Variants in CHD6 observed in about 807,000 individuals in gnomAD.
CHD6 encodes the protein ATP-dependent chromatin remodeler CHD6.
CHD6 carries 50 observed loss-of-function variants against 276.9 expected under a neutral mutation model. That is an observed-to-expected ratio of 0.18 (90% CI 0.14 to 0.23). The LOEUF is 0.23. Among genes scored for constraint, CHD6 ranks in the 10% least tolerant of loss-of-function variants. The pLI is 1.00. For missense variants in CHD6, 2,564 were observed against 3,365.8 expected (o/e 0.76, Z 5.89); for synonymous variants, 1,173 against 1,229.3 (o/e 0.95, Z 0.96).
Position 41,404,249 on chromosome 20 carries a change from A to G in CHD6, c.*344T>C. ...CCACCCTTCAATGGTAAAACCCTAG[A>G]CAGCTTTCTTTTGCCATTTTTCCTC... On this transcript the variant is annotated 3_prime_UTR_variant, in exon 37 of 37. Coordinates refer to ENST00000373233, the MANE Select transcript of CHD6 (RefSeq NM_032221.5). 9.2e-7 allele frequency: 1 copy of G among 1,085,478 alleles called. No individual in the cohort carries two copies. The highest frequency in any genetic ancestry group is 1.1e-6 in the Non-Finnish European group (1 of 893,854). 67.2% of individuals were successfully genotyped at this position (1,085,478 alleles called of 1,614,324 possible).
At position 41,595,941 on chromosome 20, in the gene CHD6, C is replaced by G. The variant is rs112152688; in HGVS notation, c.-24+22399G>C. 5.2e-3 allele frequency among the ~76,000 whole-genome samples: 791 copies of G among 152,038 alleles called. 2 individuals carry two copies. The highest frequency in any genetic ancestry group is 8.5e-3 in the Non-Finnish European group (580 of 67,980). ...GGCAGGGGCCTGTCCTCCTCTACCCCCTAAAAGCTACAGGAAATAAGCCAA... is the reference window on the plus strand; with the variant it reads ...GGCAGGGGCCTGTCCTCCTCTACCCGCTAAAAGCTACAGGAAATAAGCCAA... On this transcript the variant is annotated intron_variant, in intron 1 of 36. Transcript: ENST00000373233.
chr20:41,563,545 C>T (rs549624181), intron 1 of CHD6, among the ~76,000 whole-genome samples: 9 of 152,200 alleles, frequency 5.9e-5, no homozygotes, highest in Middle Eastern at 3.4e-3. Flanking sequence ...GGCACATTCG[C>T]ACAATTCAAG....
intron 2 of CHD6, among the ~76,000 whole-genome samples, chr20:41,542,564 G>A (rs931237502): frequency 6.6e-6 from 1 of 151,852 alleles, no homozygotes; most frequent in East Asian, 1.9e-4. Context: ...ATGGTGGCGG[G>A]CGCCTGTAGT....
intron 1 of CHD6, among the ~76,000 whole-genome samples, chr20:41,566,072 T>C (rs1489087838): frequency 1.3e-5 from 2 of 152,096 alleles, no homozygotes; most frequent in Non-Finnish European, 2.9e-5. Flanking sequence ...CAGTTCTCAA[T>C]AATGGCTGAA....
chr20:41,613,629 A>C (rs554942930), intron 1 of CHD6, among the ~76,000 whole-genome samples: 55 of 152,354 alleles, frequency 3.6e-4, no homozygotes, highest in Middle Eastern at 6.8e-3. Context: ...GCTAAAGGAC[A>C]AAAAAGGTCC....
chr20:41,595,292 G>A (rs1206721137), intron 1 of CHD6, among the ~76,000 whole-genome samples: 1 of 152,192 alleles, frequency 6.6e-6, no homozygotes, highest in Admixed American at 6.5e-5. Flanking sequence ...GAAGTTGAAA[G>A]TGTGTGAATG....
At chr20:41,496,660 G>A (rs1276052075) in intron 8 of CHD6, 1 of 152,172 alleles carries the variant, frequency 6.6e-6, no homozygotes, top group Non-Finnish European at 1.5e-5. Flanking sequence ...TTAATTTCAT[G>A]TGTTCCAATC....
At chr20:41,423,738 T>G (rs760433847) in intron 29 of CHD6, 38 bp from the exon 30 acceptor site, 3 of 1,566,608 alleles carry the variant, frequency 1.9e-6, no homozygotes, top group Non-Finnish European at 2.6e-6. Flanking sequence ...GAGCTCTTTC[T>G]TCTTTTTTTA....
At chr20:41,610,299 T>C (rs938004161) in intron 1 of CHD6, among the ~76,000 whole-genome samples, 1 of 152,080 alleles carries the variant, frequency 6.6e-6, no homozygotes, top group Non-Finnish European at 1.5e-5. Flanking sequence ...CATTTACAAG[T>C]AGATGGGGAG....
intron 14 of CHD6, among the ~76,000 whole-genome samples, chr20:41,487,031 A>G (rs150186237): frequency 6.6e-6 from 1 of 152,328 alleles, no homozygotes; most frequent in East Asian, 1.9e-4. Context: ...TATGGCACGT[A>G]CATTTGTCTG....
intron 1 of CHD6, among the ~76,000 whole-genome samples, chr20:41,611,731 C>T (rs532413224): frequency 4.3e-4 from 66 of 152,046 alleles, no homozygotes; most frequent in Non-Finnish European, 2.1e-4. Context: ...TCCGCCTCCC[C>T]GGTTCAAGCG....
At chr20:41,498,051 T>A in intron 7 of CHD6, 117 bp downstream of exon 7, 1 of 723,348 alleles carries the variant, frequency 1.4e-6, no homozygotes, top group Non-Finnish European at 2.4e-6. Context: ...AGCCAAGACC[T>A]GTGGGTCATG....
At chr20:41,603,330 A>T (rs1194314693) in intron 1 of CHD6, among the ~76,000 whole-genome samples, 1 of 152,172 alleles carries the variant, frequency 6.6e-6, no homozygotes, top group Non-Finnish European at 1.5e-5. Flanking sequence ...CAACAGAGTG[A>T]GACTCCATCT....
intron 2 of CHD6, among the ~76,000 whole-genome samples, chr20:41,548,970 G>A (rs1233052058): frequency 1.4e-4 from 22 of 152,172 alleles, no homozygotes; most frequent in East Asian, 5.8e-4. Flanking sequence ...TTAGAATGGC[G>A]TTCATTAAAA....
intron 1 of CHD6, among the ~76,000 whole-genome samples, chr20:41,601,729 T>C (rs527636955): frequency 3.9e-5 from 6 of 152,322 alleles, no homozygotes; most frequent in African/African-American, 1.2e-4. Context: ...TCCTCATTGG[T>C]AAAATGAAGG....
intron 1 of CHD6, among the ~76,000 whole-genome samples, chr20:41,587,394 T>C (rs1210906757): frequency 3.3e-5 from 5 of 152,104 alleles, no homozygotes; most frequent in African/African-American, 1.2e-4. Context: ...CTCTTTGGAG[T>C]TGATAAGAGA....
At chr20:41,586,959 T>C (rs191054541) in intron 1 of CHD6, among the ~76,000 whole-genome samples, 1 of 152,106 alleles carries the variant, frequency 6.6e-6, no homozygotes, top group African/African-American at 2.4e-5. Context: ...GGAGGAGGAA[T>C]CCTAGCCAGT....
chr20:41,437,426 T>TA, intron 26 of CHD6, 92 bp from the exon 27 acceptor site: 1 of 778,254 alleles, frequency 1.3e-6, no homozygotes, highest in Admixed American at 2.6e-5. Context: ...CCAAAAATAC[T>TA]AAGATATTTT....
intron 29 of CHD6, 58 bp downstream of exon 29, chr20:41,425,119 CT>C: frequency 1.4e-6 from 2 of 1,404,906 alleles, no homozygotes; most frequent in Non-Finnish European, 2.0e-6. Flanking sequence ...CCGGCTTTAC[CT>C]TTTGAAAACT....
Sources: allele counts gnomAD v4.1 joint callset (sites outside exome capture counted in the v4.1 genomes callset), GRCh38; gene constraint gnomAD v4.1.1; transcripts MANE v1.5; gene names NCBI Gene and HGNC (gene_info 2026-07-23, HGNC 2026-07-21).